Variants in HECTD3 observed in about 807,000 individuals in gnomAD.
The protein encoded by HECTD3 is HECT domain E3 ubiquitin protein ligase 3.
HECTD3 carries 72 observed loss-of-function variants against 109.3 expected under a neutral mutation model. The ratio of observed to expected loss-of-function variants is 0.66; its 90% CI spans 0.54 to 0.80. HECTD3 has a LOEUF of 0.80. HECTD3 is among the 30% of genes least tolerant of loss of function. The pLI is 0.00. For missense variants in HECTD3, 1,041 were observed against 1,165.2 expected, an observed-to-expected ratio of 0.89 and a Z score of 1.55; for synonymous variants, 481 against 471.8, an observed-to-expected ratio of 1.02 and a Z score of -0.25.
rs1644773097 is a variant in HECTD3 at position 45,010,211 on chromosome 1, G to C, written c.613C>G (p.Gln205Glu). 1 of 1,613,854 alleles carries C rather than the reference G, an allele frequency of 6.2e-7. No individual in the cohort carries two copies. Among genetic ancestry groups the C allele is most frequent in the African/African-American group, 1.3e-5 (1 of 74,864 alleles). ...QPAEAYAEAV[Q>E]RLLYVPPTWT... ...TTCCAGCTCACTCACAGTAGCCTTT[G>C]TACAGCTTCTGCGTATGCCTCTGCC... is the stretch of plus-strand genomic sequence containing the variant. Residue 205 changes from glutamine (Q) to glutamate (E), a missense_variant, in exon 3 of 21, where the codon CAA becomes GAA. By Grantham distance (29) the Gln-to-Glu change is conservative. Transcript: ENST00000372172.
At chr1:45,007,891 G>A (rs1184521005) in intron 9 of HECTD3, among the ~76,000 whole-genome samples, 1 of 142,434 alleles carries the variant, frequency 7.0e-6, no homozygotes, top group East Asian at 2.1e-4. Context: ...CCTGTCTCCT[G>A]CCCACATCCT....
Position 45,003,808 on chromosome 1 carries a change from G to A in HECTD3, c.2429+47C>T, listed in dbSNP as rs774219947. On this transcript the variant is annotated intron_variant, in intron 19 of 20. Transcript: ENST00000372172. This position sits in a 1 kb window ranked among gnomAD's most constrained non-coding sequence, Gnocchi z 4.7. Reference sequence around the variant, plus strand: ...GCACATGTACGTGTGTGGGGAGGGAGGACAGAAGGCGGCCATGGCACCTTC... The same window carrying A: ...GCACATGTACGTGTGTGGGGAGGGAAGACAGAAGGCGGCCATGGCACCTTC... 8 of 1,612,096 alleles carry A rather than the reference G, an allele frequency of 5.0e-6. No homozygotes were observed. Among genetic ancestry groups the A allele is most frequent in the Non-Finnish European group, 5.9e-6 (7 of 1,178,286 alleles).
rs1644706555 is a variant in HECTD3, at chr1:45,003,334, C to T, written c.*158G>A. ...GGGCTGGGCCACTAGTGTTACCTGA[C>T]CATGCCAGCTGCCCCTACCCCAACT... On this transcript the variant is annotated 3_prime_UTR_variant, in exon 21 of 21. Coordinates refer to ENST00000372172, the MANE Select transcript of HECTD3 (RefSeq NM_024602.6). The surrounding 1 kb of genome is among the most constrained non-coding windows in gnomAD (Gnocchi z 4.7). 1 of 653,222 alleles carries T rather than the reference C, an allele frequency of 1.5e-6. No homozygotes were observed. Among genetic ancestry groups the T allele is most frequent in the Admixed American group, 2.3e-5 (1 of 42,644 alleles). 40.5% of individuals were successfully genotyped at this position (653,222 alleles called of 1,614,324 possible). A position where few individuals can be genotyped will look rare whatever the true frequency, so the allele number is the denominator to read the frequency against.
intron 5 of HECTD3, 32 bp downstream of exon 5, chr1:45,009,517 AACCCACAGGGACATAGCCC>A: frequency 6.2e-7 from 1 of 1,607,008 alleles, no homozygotes; most frequent in Non-Finnish European, 8.5e-7. Context: ...AGTCTTTGTG[AACCCACAGGGACATAGCCC>A]ACCCACCCTG....
At position 45,011,025 on chromosome 1, in the gene HECTD3, G is replaced by T. The variant is rs917510684; in HGVS notation, c.233C>A (p.Ala78Glu). The change falls in exon 1 of 21, where the codon GCA (alanine) becomes GAA (glutamate). Residue 78 changes from alanine (A) to glutamate (E), a missense_variant. Coordinates refer to ENST00000372172, the MANE Select transcript of HECTD3 (RefSeq NM_024602.6). The part of the protein sequence containing the change: ...AEGLGLRVGA[A>E]GPAPGTGSGP... ...GGAGCCGGTACCGGGGGCTGGGCCTGCGGCGCCCACACGCAGCCCCAGGCC... is the reference window on the plus strand; with the variant it reads ...GGAGCCGGTACCGGGGGCTGGGCCTTCGGCGCCCACACGCAGCCCCAGGCC... The T allele has an allele frequency of 4.0e-5, 57 of 1,423,318 alleles. No individual in the cohort carries two copies. Among genetic ancestry groups the T allele is most frequent in the Non-Finnish European group, 4.8e-5 (53 of 1,096,216 alleles). The allele number at this position is 1,423,318 out of a possible 1,614,324, so 88.2% of individuals were successfully genotyped here.
intron 11 of HECTD3, 55 bp downstream of exon 11, chr1:45,007,155 TGTTTGTGTG>T: frequency 1.4e-6 from 2 of 1,399,394 alleles, no homozygotes; most frequent in Admixed American, 3.5e-5. Flanking sequence ...TGTGTGTGTG[TGTTTGTGTG>T]TGTTTGTGTG....
intron 9 of HECTD3, 75 bp from the exon 10 acceptor site, chr1:45,007,670 T>G (rs1644748545): frequency 1.6e-6 from 2 of 1,239,620 alleles, no homozygotes; most frequent in Admixed American, 2.0e-5. Context: ...CTTTCCCCTC[T>G]GCCTGTATCC....
At chr1:45,004,489 G>T (rs1401370423) in intron 16 of HECTD3, 111 bp downstream of exon 16, 2 of 1,592,196 alleles carry the variant, frequency 1.3e-6, no homozygotes, top group South Asian at 1.1e-5. Flanking sequence ...GAGGAATGGT[G>T]GGGGCCAGAG....
At position 45,007,330 on chromosome 1, in the gene HECTD3, A is replaced by G. The variant is rs138708704; in HGVS notation, c.1504-59T>C. ...CAAGACCTGGCCCTATACTTGCCCC[A>G]AGAACTTGTTCAGGTCCCTCTTGGC... On this transcript the variant is annotated intron_variant, in intron 10 of 20. Transcript: ENST00000372172. 97 of 1,603,862 alleles carry G rather than the reference A, an allele frequency of 6.0e-5. 2 individuals are homozygous for G. The East Asian group carries it at 1.9e-3, about 31-fold the overall frequency.
chr1:45,007,572 C>T lies in HECTD3; in HGVS notation c.1344G>A (p.Leu448=). Residue 448 remains leucine (L), a synonymous_variant, in exon 10 of 21, where the codon CTG becomes CTA. Coordinates refer to ENST00000372172, the MANE Select transcript of HECTD3 (RefSeq NM_024602.6). The part of the protein sequence containing the change: ...EIKQVKQFLL[L]SRQRPGLVAQ... ...CCACCAGGCCTGGCCGCTGGCGGGA[C>T]AGCAGTAGGAACTGCTTCACTTGCT... 1.2e-6 allele frequency: 2 copies of T among 1,611,902 alleles called. No homozygotes were observed.
chr1:45,009,078 A>T lies in HECTD3; in HGVS notation c.1072+66T>A, dbSNP rs2275599. The stretch of plus-strand genomic sequence containing the variant: ...CAAGCCCATCCTCTTCTCTCCACAC[A>T]CACTCTCTGTTTGCCCCCATCTCCA... On this transcript the variant is annotated intron_variant, in intron 7 of 20. Coordinates refer to ENST00000372172, the MANE Select transcript of HECTD3 (RefSeq NM_024602.6). 332,575 of 1,242,186 alleles carry T rather than the reference A, an allele frequency of 0.27. 46,769 individuals carry two copies. Among genetic ancestry groups the T allele is most frequent in the African/African-American group, 0.41 (27,567 of 67,230 alleles). 76.9% of individuals were successfully genotyped at this position (1,242,186 alleles called of 1,614,324 possible).
In HECTD3 at chr1:45,011,309, T is replaced by G. The variant is rs756043720; in HGVS notation, c.-52A>C. The G allele has an allele frequency of 1.5e-4, 205 of 1,349,890 alleles. No individual in the cohort carries two copies. The highest frequency in any genetic ancestry group is 1.8e-4 in the Non-Finnish European group (193 of 1,056,240). The allele number at this position is 1,349,890 out of a possible 1,614,324, so 83.6% of individuals were successfully genotyped here. A position where few individuals can be genotyped will look rare whatever the true frequency, so the allele number is the denominator to read the frequency against. ...GAGGCGACCCTGCCCGGGGAACAGCTGGCGCGACCGCGGACAGAGCTTCCC... is the reference window on the plus strand; with the variant it reads ...GAGGCGACCCTGCCCGGGGAACAGCGGGCGCGACCGCGGACAGAGCTTCCC... On this transcript the variant is annotated 5_prime_UTR_variant, in exon 1 of 21. Coordinates refer to ENST00000372172, the MANE Select transcript of HECTD3 (RefSeq NM_024602.6).
rs569074759 is a variant in HECTD3 at position 45,008,288 on chromosome 1, G to A, written c.1272C>T (p.His424=). The stretch of plus-strand genomic sequence containing the variant: ...GTGTGTGGTCCCAGGCAGGTACCAG[G>A]TGGTGCAGGACACTATCGAGGATCT... ...FIKILDSVLH[H]LVPAWDHTLG... Residue 424 remains histidine, a synonymous_variant, in exon 9 of 21, where the codon CAC becomes CAT. Coordinates refer to ENST00000372172, the MANE Select transcript of HECTD3 (RefSeq NM_024602.6). 6.2e-6 allele frequency: 10 copies of A among 1,614,168 alleles called. No individual in the cohort carries two copies. Among genetic ancestry groups the A allele is most frequent in the Non-Finnish European group, 8.5e-6 (10 of 1,179,990 alleles).
rs1286083240 is a variant in HECTD3, at chr1:45,004,786, C to T, written c.1956G>A (p.Met652Ile). The change falls in exon 16 of 21, where the codon ATG becomes ATA. Residue 652 changes from methionine to isoleucine, a missense_variant. By Grantham distance (10) the Met-to-Ile change is conservative. This residue lies in a region of HECTD3 where 569 missense variants were observed against 715.3 expected (regional missense o/e 0.80). Transcript: ENST00000372172. ...CAAACGTCTCCTTGTCCATTCCTTC[C>T]ATCACTTCCAGGAGCTTCACCTAGG... is the stretch of plus-strand genomic sequence containing the variant. ...DSVLVKLLEV[M>I]EGMDKETFEF... is the part of the protein sequence containing the mutation. 1 of 1,614,184 alleles carries T rather than the reference C, an allele frequency of 6.2e-7. No homozygotes were observed. The highest frequency in any genetic ancestry group is 8.5e-7 in the Non-Finnish European group (1 of 1,180,012).
chr1:45,008,720 G>C lies in HECTD3; in HGVS notation c.1073-19C>G. 1 of 1,608,090 alleles carries C rather than the reference G, an allele frequency of 6.2e-7. No homozygotes were observed. Among genetic ancestry groups the C allele is most frequent in the Non-Finnish European group, 8.5e-7 (1 of 1,176,620 alleles). ...CCATCATCTGGGGGAAGGGGTCAGAGTAAGGTCATTTACAGCACCTGCTGC... is the reference window on the plus strand; with the variant it reads ...CCATCATCTGGGGGAAGGGGTCAGACTAAGGTCATTTACAGCACCTGCTGC... On this transcript the variant is annotated intron_variant, in intron 7 of 20. Transcript: ENST00000372172.
rs1057257588 is a variant in HECTD3, at chr1:45,010,638, C to G, written c.438G>C (p.Ala146=). The G allele has an allele frequency of 1.2e-6, 2 of 1,605,968 alleles. No homozygotes were observed. The highest frequency in any genetic ancestry group is 1.3e-5 in the African/African-American group (1 of 74,854). The part of the protein sequence containing the change: ...QEGWLLVCRP[A]EGGARLVPID... ...TGGGTACCAGGCGGGCTCCGCCCTC[C>G]GCCGGGCGGCACACCAGCAGCCAGC... Residue 146 remains alanine, a synonymous_variant, in exon 2 of 21, where the codon GCG becomes GCC. Coordinates refer to ENST00000372172, the MANE Select transcript of HECTD3 (RefSeq NM_024602.6).
rs772645947 is a variant in HECTD3, at chr1:45,006,738, G to A, written c.1679C>T (p.Ala560Val). 8.1e-6 allele frequency: 13 copies of A among 1,613,570 alleles called. No homozygotes were observed. Among genetic ancestry groups the A allele is most frequent in the South Asian group, 1.1e-5 (1 of 90,996 alleles). Residue 560 changes from alanine to valine, a missense_variant, in exon 13 of 21, where the codon GCG becomes GTG. Coordinates refer to ENST00000372172, the MANE Select transcript of HECTD3 (RefSeq NM_024602.6). This position sits in a 1 kb window ranked among gnomAD's most constrained non-coding sequence, Gnocchi z 4.7. ...GAAGGGCAGGGGCACGGGGGTATCC[G>A]CTGAGCTAGGGCACAGCTCTTCTGA... ...DMSEELCPSSADTPVPLPFFV... is the reference protein window; with the variant it reads ...DMSEELCPSSVDTPVPLPFFV...
chr1:45,004,701 C>G lies in HECTD3; in HGVS notation c.2041G>C (p.Glu681Gln). 1 of 1,614,216 alleles carries G rather than the reference C, an allele frequency of 6.2e-7. No individual in the cohort carries two copies. Among genetic ancestry groups the G allele is most frequent in the Non-Finnish European group, 8.5e-7 (1 of 1,180,036 alleles). Reference sequence around the variant, plus strand: ...ATGCCTGCACCCCCAGGGATCAGCTCCACCACCTGTTGGTCACTCAGTACA... The same window carrying G: ...ATGCCTGCACCCCCAGGGATCAGCTGCACCACCTGTTGGTCACTCAGTACA... ...TTVLSDQQVV[E>Q]LIPGGAGIVV... The change falls in exon 16 of 21, where the codon GAG becomes CAG. Residue 681 changes from glutamate to glutamine, a missense_variant. Physicochemically the swap from Glu to Gln is conservative, Grantham distance 29 (BLOSUM62 2). Transcript: ENST00000372172.
Position 45,006,025 on chromosome 1 carries a change from C to T in HECTD3, c.1817G>A (p.Gly606Glu). The T allele has an allele frequency of 6.2e-7, 1 of 1,614,150 alleles. No individual in the cohort carries two copies. Among genetic ancestry groups the T allele is most frequent in the Non-Finnish European group, 8.5e-7 (1 of 1,180,012 alleles). The change falls in exon 14 of 21, where the codon GGG becomes GAG. Residue 606 changes from glycine to glutamate, a missense_variant. Around this residue, in one of 2 missense-constraint regions of HECTD3, gnomAD observed 569 missense variants for 715.3 expected, o/e 0.80. Transcript: ENST00000372172. This position sits in a 1 kb window ranked among gnomAD's most constrained non-coding sequence, Gnocchi z 4.7. ...GAACTCCTTACCCCGAAGGGCAGCC[C>T]CCATCAGCTGTCCGATCCATTCATA... ...AKYEWIGQLM[G>E]AALRGKEFLV...
Sources: gnomAD v4.1 joint callset for allele counts (sites outside exome capture counted in the v4.1 genomes callset) on GRCh38, gnomAD v4.1.1 for gene constraint, gnomAD v4.1.1 regional missense constraint, Gnocchi (gnomAD v3.1) non-coding constraint, MANE v1.5 for transcripts, NCBI Gene and HGNC (gene_info 2026-07-23, HGNC 2026-07-21) for gene names.